TTLL7: variants seen among roughly 807,000 people sequenced by gnomAD.
TTLL7 encodes the protein tubulin tyrosine ligase like 7, also known as tubulin polyglutamylase TTLL7.
In TTLL7, 53 loss-of-function variants were observed where a neutral mutation model predicts 120.2. The observed-to-expected ratio is 0.44, with a 90% CI of 0.35 to 0.55. The LOEUF (loss-of-function observed/expected upper bound fraction) is 0.55, where lower values mean the gene tolerates loss of function less well. TTLL7 is among the 20% of genes least tolerant of loss of function. TTLL7 has a pLI of 0.00. For missense variants in TTLL7, 803 were observed against 1,054.7 expected, an observed-to-expected ratio of 0.76 and a Z score of 3.31; for synonymous variants, 353 against 351.7, an observed-to-expected ratio of 1.00 and a Z score of -0.04.
chr1:83,877,833 TTCTTC>T (rs1168423040), intron 20 of TTLL7, among the ~76,000 whole-genome samples: 1 of 151,838 alleles, frequency 6.6e-6, no homozygotes, highest in Non-Finnish European at 1.5e-5. Flanking sequence ...TGTCATTAAT[TTCTTC>T]TATTTTTATT....
At chr1:83,986,511 C>G (rs116483610) in intron 1 of TTLL7, among the ~76,000 whole-genome samples, 246 of 152,280 alleles carry the variant, frequency 1.6e-3, no homozygotes, top group African/African-American at 5.3e-3. Context: ...ACATAATTAG[C>G]ATTACATTTA....
rs1487760782 is a variant in TTLL7 at position 83,867,175 on chromosome 1, T to G, written c.*2787A>C. ...ACTTATGCTTATATGTTTTAACCTA[T>G]GAATAAAAATTTATAATAAAAACTT... On this transcript the variant is annotated 3_prime_UTR_variant, in exon 21 of 21. Coordinates refer to ENST00000260505, the MANE Select transcript of TTLL7 (RefSeq NM_024686.6). The G allele has an allele frequency of 1.3e-5, 2 of 152,152 alleles. No individual in the cohort carries two copies. Among genetic ancestry groups the G allele is most frequent in the South Asian group, 2.1e-4 (1 of 4,828 alleles). The allele number at this position is 152,152 out of a possible 1,614,324, so 9.4% of individuals were successfully genotyped here. A position where few individuals can be genotyped will look rare whatever the true frequency, so the allele number is the denominator to read the frequency against.
Position 83,870,032 on chromosome 1 carries a change from T to A in TTLL7, c.2594A>T (p.Asn865Ile), listed in dbSNP as rs779797192. Residue 865 changes from asparagine (N) to isoleucine (I), a missense_variant, in exon 21 of 21, where the codon AAC (asparagine) becomes ATC (isoleucine). Around this residue, in one of 3 missense-constraint regions of TTLL7, gnomAD observed 388 missense variants for 450.4 expected, o/e 0.86. Transcript: ENST00000260505. ...TQFFLRTPTY[N>I]LKYNSPGMTR... ...CATTCCAGGTGAATTGTACTTCAAGTTGTAGGTTGGTGTTCTCAAGAAGAA... is the reference window on the plus strand; with the variant it reads ...CATTCCAGGTGAATTGTACTTCAAGATGTAGGTTGGTGTTCTCAAGAAGAA... 109 of 1,587,670 alleles carry A rather than the reference T, an allele frequency of 6.9e-5. No homozygotes were observed. The highest frequency in any genetic ancestry group is 8.3e-5 in the Non-Finnish European group (97 of 1,170,534).
chr1:83,906,379 T>C lies in TTLL7; in HGVS notation c.2077A>G (p.Ile693Val), dbSNP rs1657200559. ...GCATCTGACTTTCCTGGAAACCGGA[T>C]CTTCATGTCTTTGAGAACAAATAAG... ...QTLFVLKDMK[I>V]RFPGKSDAES... The change falls in exon 17 of 21, where the codon ATC becomes GTC. Residue 693 changes from isoleucine to valine, a missense_variant. Physicochemically the swap from Ile to Val is conservative, Grantham distance 29. This residue lies in a region of TTLL7 where 388 missense variants were observed against 450.4 expected (regional missense o/e 0.86). Transcript: ENST00000260505. 1 of 1,612,546 alleles carries C rather than the reference T, an allele frequency of 6.2e-7. No homozygotes were observed. Among genetic ancestry groups the C allele is most frequent in the Non-Finnish European group, 8.5e-7 (1 of 1,179,110 alleles).
intron 15 of TTLL7, among the ~76,000 whole-genome samples, chr1:83,907,948 A>G (rs562864575): frequency 2.6e-4 from 40 of 152,262 alleles, no homozygotes; most frequent in Non-Finnish European, 4.3e-4. Flanking sequence ...GAGAACCAGA[A>G]GAAAGGAAAA....
Position 83,882,686 on chromosome 1 carries a change from T to C in TTLL7, c.2543+277A>G, listed in dbSNP as rs1571042334. On this transcript the variant is annotated intron_variant, in intron 20 of 20. Transcript: ENST00000260505. Reference sequence around the variant, plus strand: ...TATATTACCACATTTTTGGATGCTCTTGCTCTGGACTTTTGAAAGTGAAGG... The same window carrying C: ...TATATTACCACATTTTTGGATGCTCCTGCTCTGGACTTTTGAAAGTGAAGG... 2.1e-5 allele frequency: 6 copies of C among 287,258 alleles called. No homozygotes were observed. In the South Asian group the frequency reaches 2.2e-4, roughly 10 times the overall value. 17.8% of individuals were successfully genotyped at this position (287,258 alleles called of 1,614,324 possible).
At chr1:83,919,879 G>A (rs370759663) in intron 12 of TTLL7, 45 bp from the exon 13 acceptor site, 65 of 1,584,028 alleles carry the variant, frequency 4.1e-5, no homozygotes, top group South Asian at 1.8e-4. Context: ...AGAAGCTGTC[G>A]TAGCTCAATA....
intron 16 of TTLL7, among the ~76,000 whole-genome samples, chr1:83,907,064 A>G (rs1657255185): frequency 6.6e-6 from 1 of 152,046 alleles, no homozygotes; most frequent in Admixed American, 6.6e-5. Flanking sequence ...TCTAAGGAGA[A>G]TTTATCATTT....
At chr1:83,948,212 C>A (rs2100854859) in intron 5 of TTLL7, among the ~76,000 whole-genome samples, 1 of 150,950 alleles carries the variant, frequency 6.6e-6, no homozygotes, top group South Asian at 2.1e-4. Flanking sequence ...CACACACACA[C>A]ACAGCTTATA....
chr1:83,946,194 G>A (rs1465882618), intron 6 of TTLL7: 3 of 152,268 alleles, frequency 2.0e-5, no homozygotes, highest in Admixed American at 6.5e-5. Context: ...TGGGACTGCA[G>A]GCGCCCGCCA....
intron 1 of TTLL7, among the ~76,000 whole-genome samples, chr1:83,959,491 AAAG>A (rs1205091978): frequency 1.1e-4 from 17 of 152,188 alleles, no homozygotes; most frequent in African/African-American, 3.6e-4. Flanking sequence ...AGCATCTGGA[AAAG>A]AAGAAGTTTG....
chr1:83,900,297 T>C, intron 18 of TTLL7: 1 of 259,132 alleles, frequency 3.9e-6, no homozygotes, highest in South Asian at 3.8e-5. Flanking sequence ...ATAGAAAGCC[T>C]CCTGCAGTTA....
chr1:83,950,969 G>A (rs949799621), intron 3 of TTLL7, among the ~76,000 whole-genome samples: 13 of 152,146 alleles, frequency 8.5e-5, no homozygotes, highest in African/African-American at 2.9e-4. Context: ...AACTGTTCCT[G>A]AGTATATGAG....
intron 7 of TTLL7, among the ~76,000 whole-genome samples, chr1:83,939,915 T>G (rs1647780357): frequency 6.6e-6 from 1 of 152,144 alleles, no homozygotes; most frequent in South Asian, 2.1e-4. Context: ...ATTCTTCCAG[T>G]CTTTTTTCTA....
chr1:83,963,031 T>C (rs888644815), intron 1 of TTLL7, among the ~76,000 whole-genome samples: 23 of 152,178 alleles, frequency 1.5e-4, no homozygotes, highest in Non-Finnish European at 2.5e-4. Context: ...ACAATGACTT[T>C]GGACATTTAT....
intron 9 of TTLL7, among the ~76,000 whole-genome samples, chr1:83,930,183 T>C (rs1430178851): frequency 2.6e-5 from 4 of 152,316 alleles, no homozygotes; most frequent in South Asian, 2.1e-4. Context: ...GTTTGGTAGA[T>C]AGTATTCCAG....
At chr1:83,989,348 C>T (rs993702066) in intron 1 of TTLL7, among the ~76,000 whole-genome samples, 2 of 152,104 alleles carry the variant, frequency 1.3e-5, no homozygotes, top group South Asian at 2.1e-4. Context: ...TTTTTCTACA[C>T]GGTGAGGGGT....
At chr1:83,977,889 T>C (rs1651635182) in intron 1 of TTLL7, among the ~76,000 whole-genome samples, 2 of 152,194 alleles carry the variant, frequency 1.3e-5, no homozygotes, top group Non-Finnish European at 2.9e-5. Context: ...CTTATTTGTT[T>C]AATGTTATTA....
chr1:83,887,652 T>C (rs1266293430), intron 19 of TTLL7, among the ~76,000 whole-genome samples: 2 of 152,096 alleles, frequency 1.3e-5, no homozygotes, highest in Non-Finnish European at 2.9e-5. Flanking sequence ...GCTAATGCTA[T>C]GGACTTGCAG....
Sources: gnomAD v4.1 joint callset for allele counts (sites outside exome capture counted in the v4.1 genomes callset) on GRCh38, gnomAD v4.1.1 for gene constraint, gnomAD v4.1.1 regional missense constraint, MANE v1.5 for transcripts, NCBI Gene and HGNC (gene_info 2026-07-23, HGNC 2026-07-21) for gene names.